The following NELL1 variants were observed in gnomAD, a reference collection of about 807,000 sequenced individuals.
NELL1 encodes protein kinase C-binding protein NELL1.
A neutral mutation model predicts 107.4 loss-of-function variants in NELL1; 76 were observed. That is an observed-to-expected ratio of 0.71 (90% CI 0.59 to 0.86). The LOEUF is 0.86. Among genes scored for constraint, NELL1 ranks in the 40% least tolerant of loss-of-function variants. The probability of loss-of-function intolerance (pLI) is 0.00; values close to 1 mark genes in which losing one functional copy is unlikely to be tolerated. For synonymous variants in NELL1, 353 were observed against 341.2 expected, an observed-to-expected ratio of 1.03 and a Z score of -0.38; for missense variants, 1,024 against 1,005.5, an observed-to-expected ratio of 1.02 and a Z score of -0.25.
intron 12 of NELL1, among the ~76,000 whole-genome samples, chr11:20,962,301 T>C (rs767008626): frequency 1.1e-4 from 17 of 152,184 alleles, no homozygotes; most frequent in Non-Finnish European, 2.2e-4. Context: ...GAATTAAAAA[T>C]GTGAGTATTC....
intron 3 of NELL1, among the ~76,000 whole-genome samples, chr11:20,814,139 GCGCA>G (rs1857567809): frequency 6.6e-6 from 1 of 151,550 alleles, no homozygotes; most frequent in Non-Finnish European, 1.5e-5. Flanking sequence ...GGGACTACAG[GCGCA>G]CACCGCCACG....
At chr11:21,373,869 T>C (rs1384427442) in intron 15 of NELL1, among the ~76,000 whole-genome samples, 1 of 152,072 alleles carries the variant, frequency 6.6e-6, no homozygotes, top group Non-Finnish European at 1.5e-5. Context: ...CATGGAGATG[T>C]GTAAAGAGAA....
chr11:20,677,827 C>T, intron 1 of NELL1, 105 bp from the exon 2 acceptor site: 1 of 1,316,132 alleles, frequency 7.6e-7, no homozygotes, highest in Non-Finnish European at 1.1e-6. Flanking sequence ...TCCAAGCACT[C>T]ATCATTGGCT....
chr11:21,105,117 T>C (rs1264614587), intron 12 of NELL1, among the ~76,000 whole-genome samples: 1 of 152,170 alleles, frequency 6.6e-6, no homozygotes, highest in Non-Finnish European at 1.5e-5. Flanking sequence ...TAGATTGTCT[T>C]ACTGAAGCAG....
intron 15 of NELL1, among the ~76,000 whole-genome samples, chr11:21,400,649 C>G (rs192363009): frequency 1.9e-4 from 29 of 152,032 alleles, no homozygotes; most frequent in Admixed American, 1.8e-3. Context: ...CATTTCTGCT[C>G]TGCCCAAGCC....
At chr11:20,696,276 T>A (rs552092317) in intron 2 of NELL1, among the ~76,000 whole-genome samples, 1 of 152,270 alleles carries the variant, frequency 6.6e-6, no homozygotes, top group South Asian at 2.1e-4. Flanking sequence ...TTAATTTCTT[T>A]CAGTTCTGCT....
intron 14 of NELL1, among the ~76,000 whole-genome samples, chr11:21,319,450 A>AAGGTC (rs2133662404): frequency 6.7e-6 from 1 of 149,658 alleles, no homozygotes; most frequent in Admixed American, 6.7e-5. Flanking sequence ...TTGACCTTCC[A>AAGGTC]AAGTGCTGGG....
At chr11:20,699,846 G>C (rs915734869) in intron 2 of NELL1, among the ~76,000 whole-genome samples, 1 of 152,072 alleles carries the variant, frequency 6.6e-6, no homozygotes, top group Non-Finnish European at 1.5e-5. Flanking sequence ...GTTCTTTAAG[G>C]AATCTCCATA....
intron 12 of NELL1, among the ~76,000 whole-genome samples, chr11:21,066,858 G>A (rs1454026421): frequency 6.6e-6 from 1 of 152,054 alleles, no homozygotes; most frequent in Non-Finnish European, 1.5e-5. Flanking sequence ...GGAGGCTGAG[G>A]CAGGAGGGTC....
At chr11:21,098,343 A>G (rs1011683099) in intron 12 of NELL1, among the ~76,000 whole-genome samples, 8 of 152,158 alleles carry the variant, frequency 5.3e-5, no homozygotes, top group African/African-American at 1.7e-4. Context: ...CGTACATGTC[A>G]GGGTCCTTTA....
chr11:21,331,390 G>C (rs1437741352), intron 14 of NELL1, among the ~76,000 whole-genome samples: 1 of 151,662 alleles, frequency 6.6e-6, no homozygotes, highest in Non-Finnish European at 1.5e-5. Flanking sequence ...ATGCTTATTT[G>C]TTTAGTGACT....
chr11:21,047,609 G>T (rs1853387529), intron 12 of NELL1, among the ~76,000 whole-genome samples: 1 of 152,086 alleles, frequency 6.6e-6, no homozygotes, highest in Non-Finnish European at 1.5e-5. Flanking sequence ...CTGTTTCCTA[G>T]TATTTTACAC....
At chr11:21,554,071 T>G (rs913923148) in intron 16 of NELL1, among the ~76,000 whole-genome samples, 1 of 151,884 alleles carries the variant, frequency 6.6e-6, no homozygotes, top group African/African-American at 2.4e-5. Context: ...AGTAAAACTC[T>G]GTTTAAACAG....
At chr11:20,868,848 A>G (rs1375019628) in intron 4 of NELL1, among the ~76,000 whole-genome samples, 1 of 152,176 alleles carries the variant, frequency 6.6e-6, no homozygotes, top group Admixed American at 6.5e-5. Context: ...AGACCTCACA[A>G]AGGAAAAAAA....
At chr11:21,130,761 G>A (rs745489834) in intron 13 of NELL1, among the ~76,000 whole-genome samples, 1 of 152,206 alleles carries the variant, frequency 6.6e-6, no homozygotes, top group Non-Finnish European at 1.5e-5. Flanking sequence ...GCGAAGGTCA[G>A]TATTTTGTAT....
chr11:21,030,176 A>G (rs2134315474), intron 12 of NELL1, among the ~76,000 whole-genome samples: 1 of 152,304 alleles, frequency 6.6e-6, no homozygotes, highest in East Asian at 1.9e-4. Context: ...ACTTGGTGAA[A>G]CAGGCATCTT....
intron 14 of NELL1, among the ~76,000 whole-genome samples, chr11:21,264,392 C>T (rs905578656): frequency 6.6e-6 from 1 of 151,736 alleles, no homozygotes; most frequent in Non-Finnish European, 1.5e-5. Context: ...ATATGGTGCC[C>T]AGTGGAGGCC....
intron 14 of NELL1, among the ~76,000 whole-genome samples, chr11:21,337,797 C>CTTTCG (rs1850456010): frequency 2.3e-5 from 1 of 44,198 alleles, no homozygotes; most frequent in Non-Finnish European, 4.8e-5. Flanking sequence ...TCTTTCTTTC[C>CTTTCG]TTCTTTCTTT....
chr11:21,524,469 T>C (rs1405009888), intron 15 of NELL1, among the ~76,000 whole-genome samples: 1 of 152,110 alleles, frequency 6.6e-6, no homozygotes, highest in Non-Finnish European at 1.5e-5. Context: ...ACTATAGGAA[T>C]TCAGAGAAAA....
Sources: allele counts gnomAD v4.1 joint callset (sites outside exome capture counted in the v4.1 genomes callset), GRCh38; gene constraint gnomAD v4.1.1; transcripts MANE v1.5; gene names NCBI Gene and HGNC (gene_info 2026-07-23, HGNC 2026-07-21).